The following USH2A variants were observed in gnomAD, a reference collection of about 807,000 sequenced individuals.
The protein encoded by USH2A is usherin.
A neutral mutation model predicts 538.9 loss-of-function variants in USH2A; 443 were observed. The observed-to-expected ratio is 0.82, with a 90% CI of 0.76 to 0.89. USH2A has a LOEUF of 0.89. Ranked by LOEUF, USH2A falls within the 40% of genes least tolerant of loss-of-function variation. USH2A has a pLI of 0.00. For missense variants in USH2A, 6,633 were observed against 6,324.8 expected (o/e 1.05, Z -1.65); for synonymous variants, 2,413 against 2,273.5 (o/e 1.06, Z -1.75).
chr1:215,707,969 A>G (rs571108689), intron 61 of USH2A, among the ~76,000 whole-genome samples: 2 of 152,202 alleles, frequency 1.3e-5, no homozygotes, highest in African/African-American at 2.4e-5. Flanking sequence ...GCATCATTCA[A>G]TGCAACATGT....
At chr1:215,668,594 T>C (rs1657704941) in intron 64 of USH2A, among the ~76,000 whole-genome samples, 1 of 152,136 alleles carries the variant, frequency 6.6e-6, no homozygotes, top group African/African-American at 2.4e-5. Flanking sequence ...ATAGTAACAG[T>C]TACAAAAGAA....
intron 38 of USH2A, among the ~76,000 whole-genome samples, chr1:215,928,215 A>C (rs1666284428): frequency 6.6e-6 from 1 of 152,112 alleles, no homozygotes; most frequent in South Asian, 2.1e-4. Flanking sequence ...TACTTATAAG[A>C]AGAGATCAGA....
rs368986242 is a variant in USH2A at position 216,325,451 on chromosome 1, A to G, written c.997T>C (p.Ser333Pro). Reference protein sequence around the residue: ...DAGDTADNRVSRLNPEAHPLS... With the variant: ...DAGDTADNRVPRLNPEAHPLS... ...GGATGGGCTTCAGGATTCAACCGTG[A>G]CACTCTATTATCAGCTGTGTCTCCT... The change falls in exon 6 of 72, where the codon TCA becomes CCA. Residue 333 changes from serine to proline, a missense_variant. By Grantham distance (74) the Ser-to-Pro change is moderately conservative. Transcript: ENST00000307340. 4.1e-5 allele frequency: 66 copies of G among 1,613,958 alleles called. No individual in the cohort carries two copies. The East Asian group carries it at 9.6e-4, about 23-fold the overall frequency.
chr1:215,813,934 T>C (rs1662778966), intron 48 of USH2A, 30 bp from the exon 49 acceptor site: 7 of 1,611,146 alleles, frequency 4.3e-6, no homozygotes, highest in Non-Finnish European at 5.9e-6. Flanking sequence ...TTTAAAGAAA[T>C]ATCAGTTTAG....
At chr1:216,086,447 T>C (rs763732338) in intron 24 of USH2A, among the ~76,000 whole-genome samples, 1 of 152,166 alleles carries the variant, frequency 6.6e-6, no homozygotes, top group Non-Finnish European at 1.5e-5. Context: ...TAAAATAACA[T>C]ACCTTTGACT....
In USH2A at chr1:215,869,392, A is replaced by G. The variant is rs138469614; in HGVS notation, c.8682-2222T>C. Among the ~76,000 whole-genome samples the G allele has an allele frequency of 1.2e-4, 18 of 152,248 alleles. 1 individual carries two copies. The highest frequency in any genetic ancestry group is 4.1e-4 in the African/African-American group (17 of 41,562). On this transcript the variant is annotated intron_variant, in intron 43 of 71. Transcript: ENST00000307340. Reference sequence around the variant, plus strand: ...GATGATGTCATATCACTAAGGCTTGAACTTTGCGTTATTTTTCTAGCAGAG... The same window carrying G: ...GATGATGTCATATCACTAAGGCTTGGACTTTGCGTTATTTTTCTAGCAGAG...
At chr1:216,045,537 T>G (rs1430532428) in intron 32 of USH2A, among the ~76,000 whole-genome samples, 1 of 152,170 alleles carries the variant, frequency 6.6e-6, no homozygotes, top group Admixed American at 6.5e-5. Flanking sequence ...AAGTAATTAC[T>G]GTCAATGGCA....
In USH2A at chr1:216,116,477, G is replaced by T. The variant is rs2033011612; in HGVS notation, c.4628-19264C>A. ...AGCATAATGGTAGAAAGTGTTCAAT[G>T]ACCCAAAAGGACATTAAAGAATTTT... On this transcript the variant is annotated intron_variant, in intron 21 of 71. Coordinates refer to ENST00000307340, the MANE Select transcript of USH2A (RefSeq NM_206933.4). Among the ~76,000 whole-genome samples, 8 of 152,128 alleles carry T rather than the reference G, an allele frequency of 5.3e-5. No individual in the cohort carries two copies. In the South Asian group the frequency reaches 1.7e-3, roughly 32 times the overall value.
intron 21 of USH2A, among the ~76,000 whole-genome samples, chr1:216,154,754 C>G (rs1482057139): frequency 2.0e-5 from 3 of 152,158 alleles, no homozygotes; most frequent in Admixed American, 2.0e-4. Context: ...AAGTGTTCTT[C>G]TGCTCTTTCC....
chr1:216,077,213 C>G (rs1251780368), intron 27 of USH2A, among the ~76,000 whole-genome samples: 1 of 152,078 alleles, frequency 6.6e-6, no homozygotes, highest in Non-Finnish European at 1.5e-5. Context: ...ATATTGTTAG[C>G]CTTTTCAAAT....
At chr1:215,941,151 T>C (rs1363043301) in intron 37 of USH2A, among the ~76,000 whole-genome samples, 3 of 152,114 alleles carry the variant, frequency 2.0e-5, no homozygotes, top group Non-Finnish European at 2.9e-5. Context: ...GCATAAAGGA[T>C]AGACAAAAAT....
At position 215,680,379 on chromosome 1, in the gene USH2A, G is replaced by A. The variant is rs373788081; in HGVS notation, c.12067-3C>T. ...AGGTGGGCTTGATGGCTTGTTCCCT[G>A]TAAGAAAATTAACAGGTTAAGTTGT... On this transcript the variant is annotated splice_polypyrimidine_tract_variant and splice_region_variant and intron_variant, in intron 61 of 71. Transcript: ENST00000307340. 2.5e-6 allele frequency: 4 copies of A among 1,607,400 alleles called. No individual in the cohort carries two copies. Among genetic ancestry groups the A allele is most frequent in the Non-Finnish European group, 3.4e-6 (4 of 1,178,386 alleles).
chr1:216,327,664 C>T lies in USH2A; in HGVS notation c.785-10G>A, dbSNP rs771988283. ...ACAAACTGCTCTAAACCTGCAAATA[C>T]ACACATGTGCATAATATAAGAAGTC... On this transcript the variant is annotated splice_polypyrimidine_tract_variant and intron_variant, in intron 4 of 71. Coordinates refer to ENST00000307340, the MANE Select transcript of USH2A (RefSeq NM_206933.4). 10 of 1,612,840 alleles carry T rather than the reference C, an allele frequency of 6.2e-6. No homozygotes were observed. In the South Asian group the frequency reaches 1.1e-4, roughly 18 times the overall value.
At chr1:215,902,179 G>A (rs1246616576) in intron 38 of USH2A, among the ~76,000 whole-genome samples, 4 of 152,106 alleles carry the variant, frequency 2.6e-5, no homozygotes, top group Non-Finnish European at 5.9e-5. Flanking sequence ...AGAAGGAGAA[G>A]TGATCAAAAT....
intron 33 of USH2A, 123 bp from the exon 34 acceptor site, chr1:215,999,181 T>G: frequency 1.2e-6 from 1 of 862,052 alleles, no homozygotes; most frequent in East Asian, 2.6e-5. Flanking sequence ...AATCTCAAAA[T>G]TGATTCATTT....
intron 16 of USH2A, chr1:216,201,753 G>A: frequency 4.4e-6 from 1 of 227,842 alleles, no homozygotes; most frequent in Non-Finnish European, 9.9e-6. Flanking sequence ...GACCCTGATA[G>A]AGCCGAGGAA....
At chr1:215,763,877 C>G (rs1661055737) in intron 56 of USH2A, among the ~76,000 whole-genome samples, 2 of 151,788 alleles carry the variant, frequency 1.3e-5, no homozygotes, top group East Asian at 3.9e-4. Context: ...AAAAAAAATT[C>G]TTAAGATTTA....
chr1:215,671,389 CT>C, intron 63 of USH2A, 96 bp from the exon 64 acceptor site: 1 of 1,252,780 alleles, frequency 8.0e-7, no homozygotes, highest in East Asian at 2.5e-5. Context: ...AAAAGACAAG[CT>C]TACATGTATT....
chr1:215,914,335 A>G (rs1202853618), intron 38 of USH2A, among the ~76,000 whole-genome samples: 1 of 151,984 alleles, frequency 6.6e-6, no homozygotes, highest in African/African-American at 2.4e-5. Context: ...TTTTCATTTT[A>G]TGGGAATGAA....
Sources: gnomAD v4.1 joint callset for allele counts (sites outside exome capture counted in the v4.1 genomes callset) on GRCh38, gnomAD v4.1.1 for gene constraint, MANE v1.5 for transcripts, NCBI Gene and HGNC (gene_info 2026-07-23, HGNC 2026-07-21) for gene names.